Variants in SRPK1 observed in about 807,000 individuals in gnomAD.
The protein encoded by SRPK1 is SFRS protein kinase 1.
A neutral mutation model predicts 89.5 loss-of-function variants in SRPK1; 52 were observed. That is an observed-to-expected ratio of 0.58 (90% CI 0.46 to 0.73). The LOEUF (loss-of-function observed/expected upper bound fraction) is 0.73. Ranked by LOEUF, SRPK1 falls within the 30% of genes least tolerant of loss-of-function variation. The pLI is 0.00. For missense variants in SRPK1, 603 were observed against 780.6 expected (o/e 0.77, Z 2.71); for synonymous variants, 255 against 270.2 (o/e 0.94, Z 0.55).
chr6:35,873,772 G>A lies in SRPK1; in HGVS notation c.585+461C>T, dbSNP rs558425676. Reference sequence around the variant, plus strand: ...CCCAAAGTGCTGGGATTACAGGCGTGAGCCACCGCGCCCAGCCAATAACTT... The same window carrying A: ...CCCAAAGTGCTGGGATTACAGGCGTAAGCCACCGCGCCCAGCCAATAACTT... On this transcript the variant is annotated intron_variant, in intron 7 of 15. Transcript: ENST00000373825. Among the ~76,000 whole-genome samples the A allele has an allele frequency of 4.6e-5, 7 of 151,516 alleles. No individual in the cohort carries two copies. In the East Asian group the frequency reaches 1.2e-3, roughly 25 times the overall value.
rs1291746121 is a variant in SRPK1, at chr6:35,888,886, A to T, written c.231T>A (p.Asn77Lys). 1 of 1,613,306 alleles carries T rather than the reference A, an allele frequency of 6.2e-7. No homozygotes were observed. The highest frequency in any genetic ancestry group is 8.5e-7 in the Non-Finnish European group (1 of 1,179,378). ...ACTTTCGGATCACATGGTATCTCCC[A>T]TTGAATAGATCTCCAATTTTCACAA... Reference protein sequence around the residue: ...YHLVKIGDLFNGRYHVIRKLG... With the variant: ...YHLVKIGDLFKGRYHVIRKLG... The change falls in exon 4 of 16, where the codon AAT becomes AAA. Residue 77 changes from asparagine to lysine, a missense_variant. By Grantham distance (94) the Asn-to-Lys change is moderately conservative (BLOSUM62 0). Transcript: ENST00000373825.
At chr6:35,898,936 G>A (rs569666122) in intron 2 of SRPK1, among the ~76,000 whole-genome samples, 35 of 152,226 alleles carry the variant, frequency 2.3e-4, no homozygotes, top group African/African-American at 7.5e-4. Flanking sequence ...CAAGACAAGC[G>A]GATCACCTGA....
chr6:35,920,872 G>A (rs1771222373), intron 1 of SRPK1, 172 bp downstream of exon 1: 3 of 647,074 alleles, frequency 4.6e-6, no homozygotes, highest in African/African-American at 1.9e-5. Flanking sequence ...CCGGACTGAG[G>A]GGCGCGGACC....
At chr6:35,839,639 CTT>C (rs11323977) in intron 14 of SRPK1, among the ~76,000 whole-genome samples, 17 of 143,596 alleles carry the variant, frequency 1.2e-4, no homozygotes, top group African/African-American at 3.7e-4. Context: ...TGCCCCCCCC[CTT>C]TTTTTTTTCT....
chr6:35,871,186 C>T (rs575115826), intron 8 of SRPK1, among the ~76,000 whole-genome samples: 8 of 152,268 alleles, frequency 5.3e-5, no homozygotes, highest in African/African-American at 1.9e-4. Flanking sequence ...AAATAAAATT[C>T]TTCCTCCCCA....
chr6:35,880,742 A>AAAAAAAAAAAAAAAAAAAAATAAAAAAAG, intron 6 of SRPK1, among the ~76,000 whole-genome samples: 1 of 28,194 alleles, frequency 3.5e-5, no homozygotes, highest in African/African-American at 3.1e-4. Context: ...AAAGAAAAAA[A>AAAAAAAAAAAAAAAAAAAAATAAAAAAAG]AAAAAAAAGA....
In SRPK1 at chr6:35,869,518, G is replaced by C; in HGVS notation, c.1375C>G (p.Gln459Glu). ...IRAEIPCEDE[Q>E]EQEHNGPLDN... is the part of the protein sequence containing the mutation. Reference sequence around the variant, plus strand: ...AGTGGTCCGTTATGTTCTTGCTCTTGTTCATCTTCACAGGGTATCTCTGCC... The same window carrying C: ...AGTGGTCCGTTATGTTCTTGCTCTTCTTCATCTTCACAGGGTATCTCTGCC... The change falls in exon 11 of 16, where the codon CAA becomes GAA. Residue 459 changes from glutamine to glutamate, a missense_variant. Gln to Glu is a conservative substitution (Grantham distance 29). Coordinates refer to ENST00000373825, the MANE Select transcript of SRPK1 (RefSeq NM_003137.5). 6.2e-7 allele frequency: 1 copy of C among 1,613,956 alleles called. No individual in the cohort carries two copies. Among genetic ancestry groups the C allele is most frequent in the Non-Finnish European group, 8.5e-7 (1 of 1,179,874 alleles).
At chr6:35,866,690 A>G (rs1447757661) in intron 12 of SRPK1, among the ~76,000 whole-genome samples, 1 of 152,210 alleles carries the variant, frequency 6.6e-6, no homozygotes, top group Non-Finnish European at 1.5e-5. Context: ...TATCTGCACA[A>G]AGGAAAATAA....
At chr6:35,844,710 T>C (rs566983022) in intron 13 of SRPK1, among the ~76,000 whole-genome samples, 1 of 152,338 alleles carries the variant, frequency 6.6e-6, no homozygotes, top group Admixed American at 6.5e-5. Context: ...ATACTTGTTC[T>C]ACCCTGAGTT....
intron 12 of SRPK1, among the ~76,000 whole-genome samples, chr6:35,867,286 A>G (rs1403513797): frequency 6.6e-6 from 1 of 152,238 alleles, no homozygotes; most frequent in Non-Finnish European, 1.5e-5. Flanking sequence ...GACCTGGACC[A>G]GATGATAGCG....
At chr6:35,849,590 G>A (rs1359127490) in intron 13 of SRPK1, among the ~76,000 whole-genome samples, 1 of 152,102 alleles carries the variant, frequency 6.6e-6, no homozygotes, top group African/African-American at 2.4e-5. Flanking sequence ...ATCAACCTAA[G>A]TTGATTTTAA....
At chr6:35,913,206 A>C (rs1372109225) in intron 2 of SRPK1, among the ~76,000 whole-genome samples, 1 of 152,260 alleles carries the variant, frequency 6.6e-6, no homozygotes, top group Non-Finnish European at 1.5e-5. Flanking sequence ...TAGTAGAAAC[A>C]CTAATGTAAA....
Position 35,886,721 on chromosome 6 carries a change from T to C in SRPK1, c.478+3A>G. ...ATTCTCAAATAGGTTTTTAAAAGGA[T>C]ACGTGTTCCATTAACTCCTGATATT... is the stretch of plus-strand genomic sequence containing the variant. On this transcript the variant is annotated splice_donor_region_variant and intron_variant, in intron 6 of 15. Coordinates refer to ENST00000373825, the MANE Select transcript of SRPK1 (RefSeq NM_003137.5). 6.6e-7 allele frequency: 1 copy of C among 1,526,288 alleles called. No individual in the cohort carries two copies. The highest frequency in any genetic ancestry group is 9.1e-7 in the Non-Finnish European group (1 of 1,101,276). The allele number at this position is 1,526,288 out of a possible 1,614,324, so 94.5% of individuals were successfully genotyped here.
At chr6:35,845,742 T>C (rs1489265804) in intron 13 of SRPK1, among the ~76,000 whole-genome samples, 1 of 152,204 alleles carries the variant, frequency 6.6e-6, no homozygotes, top group African/African-American at 2.4e-5. Flanking sequence ...TTCTATAAAG[T>C]AACATGTCCA....
At chr6:35,836,539 G>A (rs1020911628) in intron 15 of SRPK1, among the ~76,000 whole-genome samples, 2 of 152,024 alleles carry the variant, frequency 1.3e-5, no homozygotes, top group East Asian at 3.9e-4. Context: ...GATCACTTGA[G>A]CTCAGGAGTT....
intron 3 of SRPK1, among the ~76,000 whole-genome samples, chr6:35,889,145 A>C (rs1427599685): frequency 6.6e-6 from 1 of 152,226 alleles, no homozygotes; most frequent in African/African-American, 2.4e-5. Context: ...TTAATGATTT[A>C]GATTGAGCCT....
At chr6:35,871,124 C>T (rs535466586) in intron 8 of SRPK1, 165 bp from the exon 9 acceptor site, 43 of 402,792 alleles carry the variant, frequency 1.1e-4, no homozygotes, top group African/African-American at 8.5e-4. Flanking sequence ...ATATTATTAC[C>T]ATTTTTAAAG....
intron 13 of SRPK1, among the ~76,000 whole-genome samples, chr6:35,847,914 G>A (rs1769459833): frequency 6.6e-6 from 1 of 150,614 alleles, no homozygotes; most frequent in Admixed American, 6.6e-5. Flanking sequence ...TGTAACCTCT[G>A]CCTCCCAGCC....
At chr6:35,878,102 A>T (rs1156408633) in intron 6 of SRPK1, among the ~76,000 whole-genome samples, 3 of 152,226 alleles carry the variant, frequency 2.0e-5, no homozygotes, top group Non-Finnish European at 4.4e-5. Context: ...GACAGGAAGG[A>T]GGTGAAAGTA....
Sources: allele counts gnomAD v4.1 joint callset (sites outside exome capture counted in the v4.1 genomes callset), GRCh38; gene constraint gnomAD v4.1.1; transcripts MANE v1.5; gene names NCBI Gene and HGNC (gene_info 2026-07-23, HGNC 2026-07-21).